The following CABP5 variants were observed in gnomAD, a reference collection of about 807,000 sequenced individuals.
The protein encoded by CABP5 is calcium binding protein 5, also known as calcium-binding protein 5.
A neutral mutation model predicts 21.9 loss-of-function variants in CABP5; 17 were observed. The observed-to-expected ratio is 0.78, with a 90% CI of 0.53 to 1.17. The LOEUF (loss-of-function observed/expected upper bound fraction) is 1.17. CABP5 is among the 50% of genes most tolerant of loss of function. CABP5 has a pLI of 0.00. For missense variants in CABP5, 229 were observed against 228.9 expected, an observed-to-expected ratio of 1.00 and a Z score of 0.00; for synonymous variants, 85 against 79.4, an observed-to-expected ratio of 1.07 and a Z score of -0.37.
At chr19:48,036,281 A>G (rs944209366) in intron 4 of CABP5, among the ~76,000 whole-genome samples, 1 of 152,212 alleles carries the variant, frequency 6.6e-6, no homozygotes, top group African/African-American at 2.4e-5. Context: ...CAAGCAAGAC[A>G]CTTAGAAATA....
At chr19:48,034,133 A>G in intron 5 of CABP5, 82 bp downstream of exon 5, 6 of 1,396,196 alleles carry the variant, frequency 4.3e-6, no homozygotes, top group Non-Finnish European at 4.7e-6. Context: ...AGGAGTGGCC[A>G]ACTTGGAAAA....
At chr19:48,040,573 C>A in intron 3 of CABP5, 32 bp downstream of exon 3, 1 of 1,612,794 alleles carries the variant, frequency 6.2e-7, no homozygotes, top group Non-Finnish European at 8.5e-7. Context: ...CCTTCCCTAA[C>A]CCCGGCCATC....
chr19:48,032,119 C>G (rs777784537), intron 5 of CABP5, among the ~76,000 whole-genome samples: 1 of 151,910 alleles, frequency 6.6e-6, no homozygotes, highest in East Asian at 1.9e-4. Context: ...CAAAGGTTGC[C>G]TTGATGTGAG....
intron 5 of CABP5, among the ~76,000 whole-genome samples, chr19:48,033,691 G>A (rs1448799955): frequency 6.6e-6 from 1 of 152,102 alleles, no homozygotes; most frequent in Non-Finnish European, 1.5e-5. Context: ...AAATACAGTG[G>A]TGCTTTGTGC....
At chr19:48,038,137 A>C (rs1016571753) in intron 4 of CABP5, among the ~76,000 whole-genome samples, 1 of 152,056 alleles carries the variant, frequency 6.6e-6, no homozygotes, top group Non-Finnish European at 1.5e-5. Context: ...GGCTGGTCTT[A>C]AAGTCCTGAC....
At chr19:48,038,569 G>A (rs553337028) in intron 4 of CABP5, among the ~76,000 whole-genome samples, 281 of 152,264 alleles carry the variant, frequency 1.8e-3, no homozygotes, top group African/African-American at 6.6e-3. Flanking sequence ...GCTCATGCCT[G>A]TAATCCCAGC....
At chr19:48,034,174 G>A (rs776250027) in intron 5 of CABP5, 41 bp downstream of exon 5, 18 of 1,474,904 alleles carry the variant, frequency 1.2e-5, no homozygotes, top group Middle Eastern at 1.8e-4. Context: ...GGATTCCTGC[G>A]GTGGCTGCCC....
In CABP5 at chr19:48,030,479, G is replaced by A. The variant is rs569669354; in HGVS notation, c.*78C>T. 4.5e-4 allele frequency: 658 copies of A among 1,463,974 alleles called. 5 individuals carry two copies. In the African/African-American group the frequency reaches 8.6e-3, roughly 19 times the overall value. 90.7% of individuals were successfully genotyped at this position (1,463,974 alleles called of 1,614,324 possible). Reference sequence around the variant, plus strand: ...CCTCTCTGCTTTAAGGGGATCTGGGGCTTTTGGGCTTTGGTTCTCCACAAG... The same window carrying A: ...CCTCTCTGCTTTAAGGGGATCTGGGACTTTTGGGCTTTGGTTCTCCACAAG... On this transcript the variant is annotated 3_prime_UTR_variant, in exon 6 of 6. Transcript: ENST00000293255.
At position 48,030,496 on chromosome 19, in the gene CABP5, C is replaced by T; in HGVS notation, c.*61G>A. On this transcript the variant is annotated 3_prime_UTR_variant, in exon 6 of 6. Transcript: ENST00000293255. ...GATCTGGGGCTTTTGGGCTTTGGTT[C>T]TCCACAAGCGCTTGCTCCATGTTGA... 1 of 1,554,338 alleles carries T rather than the reference C, an allele frequency of 6.4e-7. No individual in the cohort carries two copies. Among genetic ancestry groups the T allele is most frequent in the South Asian group, 1.2e-5 (1 of 84,758 alleles).
At chr19:48,040,348 C>T (rs890425174) in intron 3 of CABP5, among the ~76,000 whole-genome samples, 1 of 152,124 alleles carries the variant, frequency 6.6e-6, no homozygotes, top group African/African-American at 2.4e-5. Context: ...TGAAGAGTAG[C>T]GGATAACTTC....
chr19:48,034,106 C>G (rs1967375671), intron 5 of CABP5, 109 bp downstream of exon 5: 2 of 1,120,192 alleles, frequency 1.8e-6, no homozygotes, highest in East Asian at 5.8e-5. Context: ...CATTCTCAAA[C>G]TTGGAGAGGA....
intron 4 of CABP5, among the ~76,000 whole-genome samples, chr19:48,038,692 T>C (rs1408656704): frequency 6.6e-6 from 1 of 152,032 alleles, no homozygotes; most frequent in East Asian, 1.9e-4. Flanking sequence ...CTGGGTGTGG[T>C]ATCGCGCACC....
chr19:48,029,931 A>T lies in CABP5; in HGVS notation c.*626T>A, dbSNP rs1967318646. On this transcript the variant is annotated 3_prime_UTR_variant, in exon 6 of 6. Transcript: ENST00000293255. ...ATTTCCAAGCCCAGCCTCAACAACA[A>T]CTCTGTTTCCAGCTCTGTGACTGAT... is the stretch of plus-strand genomic sequence containing the variant. 2 of 150,458 alleles carry T rather than the reference A, an allele frequency of 1.3e-5. No homozygotes were observed. Among genetic ancestry groups the T allele is most frequent in the Non-Finnish European group, 3.0e-5 (2 of 67,568 alleles). The allele number at this position is 150,458 out of a possible 1,614,324, so 9.3% of individuals were successfully genotyped here. A position where few individuals can be genotyped will look rare whatever the true frequency, so the allele number is the denominator to read the frequency against.
At chr19:48,032,635 C>CTTTTCT (rs751098070) in intron 5 of CABP5, among the ~76,000 whole-genome samples, 10 of 128,034 alleles carry the variant, frequency 7.8e-5, no homozygotes, top group Non-Finnish European at 1.1e-4. Context: ...GCCTTTTTTT[C>CTTTTCT]TTTTTTTCTT....
At chr19:48,032,834 T>C (rs1263526133) in intron 5 of CABP5, among the ~76,000 whole-genome samples, 1 of 151,990 alleles carries the variant, frequency 6.6e-6, no homozygotes, top group African/African-American at 2.4e-5. Flanking sequence ...TTTCACCACG[T>C]TGGCCCCCCT....
Position 48,030,531 on chromosome 19 carries a change from G to A in CABP5, c.*26C>T, listed in dbSNP as rs760588632. ...GCTTGCTCCATGTTGACCAGGTGGA[G>A]AGGGTCTGGAGCTTCCAGGACCTCC... On this transcript the variant is annotated 3_prime_UTR_variant, in exon 6 of 6. Transcript: ENST00000293255. 1 of 1,607,596 alleles carries A rather than the reference G, an allele frequency of 6.2e-7. No individual in the cohort carries two copies. The highest frequency in any genetic ancestry group is 2.2e-5 in the East Asian group (1 of 44,784).
intron 1 of CABP5, 29 bp downstream of exon 1, chr19:48,043,831 C>T (rs756521015): frequency 2.7e-6 from 4 of 1,478,724 alleles, no homozygotes; most frequent in African/African-American, 1.5e-5. Flanking sequence ...GCCCCGCCCA[C>T]CGCCCTTCCC....
At chr19:48,043,533 C>T (rs868839287) in intron 1 of CABP5, among the ~76,000 whole-genome samples, 1 of 21,118 alleles carries the variant, frequency 4.7e-5, no homozygotes, top group Non-Finnish European at 9.2e-5. Flanking sequence ...ATCACCACCA[C>T]CACCATCATC....
In CABP5 at chr19:48,029,794, CAGACAG is replaced by C. The variant is rs1242592799; in HGVS notation, c.*757_*762del. 3.8e-3 allele frequency among the ~76,000 whole-genome samples: 325 copies of C among 85,450 alleles called. 2 individuals carry two copies. The highest frequency in any genetic ancestry group is 0.012 in the African/African-American group (288 of 24,970). 56.1% of individuals were successfully genotyped at this position (85,450 alleles called of 152,430 possible). A position where few individuals can be genotyped will look rare whatever the true frequency, so the allele number is the denominator to read the frequency against. Reference sequence around the variant, plus strand: ...ATGTGGGAGGGGAGACAGAGACAGACAGACAGAGAGAGAGAGAGAGAGAGAGAGAGA... The same window carrying C: ...ATGTGGGAGGGGAGACAGAGACAGACAGAGAGAGAGAGAGAGAGAGAGAGA... On this transcript the variant is annotated 3_prime_UTR_variant, in exon 6 of 6. Coordinates refer to ENST00000293255, the MANE Select transcript of CABP5 (RefSeq NM_019855.5).
Sources: allele counts gnomAD v4.1 joint callset (sites outside exome capture counted in the v4.1 genomes callset), GRCh38; gene constraint gnomAD v4.1.1; transcripts MANE v1.5; gene names NCBI Gene and HGNC (gene_info 2026-07-23, HGNC 2026-07-21).